The following NCK2 variants were observed in gnomAD, a reference collection of about 807,000 sequenced individuals.
NCK2 encodes the protein NCK adaptor protein 2.
NCK2 carries 16 observed loss-of-function variants against 33.9 expected under a neutral mutation model. The observed-to-expected ratio is 0.47, with a 90% confidence interval of 0.32 to 0.72. NCK2 has a LOEUF of 0.72. NCK2 is among the 30% of genes least tolerant of loss of function. NCK2 has a pLI of 0.03. For missense variants in NCK2, 418 were observed against 537.3 expected, an observed-to-expected ratio of 0.78 and a Z score of 2.19; for synonymous variants, 273 against 239.9, an observed-to-expected ratio of 1.14 and a Z score of -1.27.
Position 105,769,952 on chromosome 2 carries a change from A to G in NCK2, c.-201+24814A>G, listed in dbSNP as rs1036821540. 5.3e-5 allele frequency among the ~76,000 whole-genome samples: 8 copies of G among 152,292 alleles called. No individual in the cohort carries two copies. In the South Asian group the frequency reaches 1.5e-3, roughly 28 times the overall value. ...GGAGCCAGAATGCCTTGGCCCCGCC[A>G]TGAGGTCTGACTTGTGCTGGCTACT... On this transcript the variant is annotated intron_variant, in intron 1 of 4. Transcript: ENST00000233154.
At chr2:105,874,130 A>C (rs1678145107) in intron 3 of NCK2, among the ~76,000 whole-genome samples, 1 of 152,242 alleles carries the variant, frequency 6.6e-6, no homozygotes, top group Non-Finnish European at 1.5e-5. Flanking sequence ...CTTTCAAAAA[A>C]TCCTTAAGTT....
intron 1 of NCK2, among the ~76,000 whole-genome samples, chr2:105,779,919 CAT>C (rs1690432377): frequency 6.6e-6 from 1 of 152,162 alleles, no homozygotes; most frequent in Non-Finnish European, 1.5e-5. Context: ...TTCACCCTCT[CAT>C]TCAGGATAGC....
Position 105,880,936 on chromosome 2 carries a change from A to ATTTTTTTTTTT in NCK2, c.227-370_227-360dup, listed in dbSNP as rs59005322. ...CACAGATGTGCACCACAGGTGGCTA[A>ATTTTTTTTTTT]TTTTTTTTTTTTTTTTTTTTTTTTT... On this transcript the variant is annotated intron_variant, in intron 3 of 4. Transcript: ENST00000233154. Among the ~76,000 whole-genome samples the ATTTTTTTTTTT allele has an allele frequency of 1.9e-4, 20 of 103,554 alleles. 1 individual carries two copies. Among genetic ancestry groups the ATTTTTTTTTTT allele is most frequent in the Admixed American group, 2.4e-4 (2 of 8,364 alleles). 67.9% of individuals were successfully genotyped at this position (103,554 alleles called of 152,430 possible). A position where few individuals can be genotyped will look rare whatever the true frequency, so the allele number is the denominator to read the frequency against.
intron 1 of NCK2, among the ~76,000 whole-genome samples, chr2:105,773,027 G>C (rs1214669637): frequency 6.6e-6 from 1 of 151,416 alleles, no homozygotes; most frequent in East Asian, 1.9e-4. Context: ...TAGTAGCTGG[G>C]ACTACAGGTG....
At chr2:105,841,657 C>T (rs1573188308) in intron 2 of NCK2, among the ~76,000 whole-genome samples, 1 of 152,226 alleles carries the variant, frequency 6.6e-6, no homozygotes, top group South Asian at 2.1e-4. Flanking sequence ...TCCCAACCCT[C>T]TAATCCTGCC....
At chr2:105,875,591 C>T (rs2104643095) in intron 3 of NCK2, among the ~76,000 whole-genome samples, 1 of 152,172 alleles carries the variant, frequency 6.6e-6, no homozygotes, top group African/African-American at 2.4e-5. Context: ...GGATTCGTGC[C>T]CTTATAAAAG....
chr2:105,766,750 A>C (rs567220807), intron 1 of NCK2, among the ~76,000 whole-genome samples: 1 of 152,226 alleles, frequency 6.6e-6, no homozygotes, highest in Non-Finnish European at 1.5e-5. Context: ...CTCTGTCCCC[A>C]GACCTTTCCT....
At chr2:105,771,731 A>G (rs1222884437) in intron 1 of NCK2, among the ~76,000 whole-genome samples, 9 of 152,242 alleles carry the variant, frequency 5.9e-5, no homozygotes, top group African/African-American at 2.2e-4. Flanking sequence ...TTGAGTTCAT[A>G]AAGCTTTCTA....
intron 3 of NCK2, among the ~76,000 whole-genome samples, chr2:105,858,319 C>G (rs1410824087): frequency 6.6e-6 from 1 of 152,132 alleles, no homozygotes; most frequent in African/African-American, 2.4e-5. Context: ...AGTGCAGTGG[C>G]ACAATCCCTG....
At chr2:105,858,804 AC>A (rs1309649611) in intron 3 of NCK2, among the ~76,000 whole-genome samples, 1 of 152,256 alleles carries the variant, frequency 6.6e-6, no homozygotes, top group African/African-American at 2.4e-5. Flanking sequence ...GAAAGTATTT[AC>A]CTGCTTTCTT....
chr2:105,820,999 G>A (rs552885661), intron 2 of NCK2, among the ~76,000 whole-genome samples: 4 of 152,338 alleles, frequency 2.6e-5, no homozygotes, highest in African/African-American at 9.6e-5. Context: ...AGCAGCAGCA[G>A]CTGTGTTTAA....
intron 4 of NCK2, among the ~76,000 whole-genome samples, chr2:105,889,463 A>G (rs1342363619): frequency 6.6e-6 from 1 of 152,182 alleles, no homozygotes; most frequent in Non-Finnish European, 1.5e-5. Flanking sequence ...AGTCCCCTGA[A>G]GGGCTTATTA....
chr2:105,840,729 G>A (rs1317853070), intron 2 of NCK2, among the ~76,000 whole-genome samples: 1 of 152,220 alleles, frequency 6.6e-6, no homozygotes, highest in African/African-American at 2.4e-5. Flanking sequence ...ACAGAACTCA[G>A]GGAAACACAT....
At chr2:105,823,481 T>C (rs1227633076) in intron 2 of NCK2, among the ~76,000 whole-genome samples, 1 of 152,124 alleles carries the variant, frequency 6.6e-6, no homozygotes, top group African/African-American at 2.4e-5. Flanking sequence ...ACTTTTATTA[T>C]AACTAACGTT....
At chr2:105,820,624 C>G (rs552022932) in intron 2 of NCK2, among the ~76,000 whole-genome samples, 6 of 152,304 alleles carry the variant, frequency 3.9e-5, no homozygotes, top group South Asian at 2.1e-4. Context: ...AGAAGGCCAC[C>G]AGAGTTGTCA....
intron 2 of NCK2, among the ~76,000 whole-genome samples, chr2:105,838,150 G>A (rs80325475): frequency 0.014 from 2,086 of 151,120 alleles, 47 homozygotes; most frequent in African/African-American, 0.048. Context: ...ATAAACCTTA[G>A]CATTTTCAAG....
At chr2:105,812,371 G>A (rs1573621396) in intron 1 of NCK2, among the ~76,000 whole-genome samples, 1 of 152,200 alleles carries the variant, frequency 6.6e-6, no homozygotes, top group South Asian at 2.1e-4. Flanking sequence ...AAAGAAACTT[G>A]TGTAGCTTTG....
intron 2 of NCK2, among the ~76,000 whole-genome samples, chr2:105,833,757 TG>T (rs1211082037): frequency 6.6e-6 from 1 of 152,114 alleles, no homozygotes; most frequent in Non-Finnish European, 1.5e-5. Flanking sequence ...TCTAGCATCT[TG>T]ATCTTTCTAC....
At chr2:105,848,607 C>G (rs1039905529) in intron 2 of NCK2, 1 of 152,174 alleles carries the variant, frequency 6.6e-6, no homozygotes, top group Non-Finnish European at 1.5e-5. Context: ...GCCTCCAACA[C>G]GCTGCAAGAG....
Sources: allele counts gnomAD v4.1 joint callset (sites outside exome capture counted in the v4.1 genomes callset), GRCh38; gene constraint gnomAD v4.1.1; transcripts MANE v1.5; gene names NCBI Gene and HGNC (gene_info 2026-07-23, HGNC 2026-07-21).